Variants in CDC42BPA observed in about 807,000 individuals in gnomAD.
CDC42BPA encodes CDC42 binding protein kinase alpha.
In CDC42BPA, 80 loss-of-function variants were observed where a neutral mutation model predicts 223.5. The observed-to-expected ratio is 0.36, with a 90% CI of 0.30 to 0.43. The LOEUF is 0.43. Ranked by LOEUF, CDC42BPA falls within the 20% of genes least tolerant of loss-of-function variation. The pLI is 1.00. For missense variants in CDC42BPA, 1,743 were observed against 2,099.9 expected, an observed-to-expected ratio of 0.83 and a Z score of 3.32; for synonymous variants, 694 against 718.6, an observed-to-expected ratio of 0.97 and a Z score of 0.55.
At chr1:227,266,230 A>C (rs1684971395) in intron 1 of CDC42BPA, among the ~76,000 whole-genome samples, 1 of 152,146 alleles carries the variant, frequency 6.6e-6, no homozygotes, top group Admixed American at 6.6e-5. Flanking sequence ...TATTATTTTG[A>C]CCAGTAATAG....
chr1:227,237,000 G>A (rs1335807880), intron 2 of CDC42BPA, among the ~76,000 whole-genome samples: 1 of 126,246 alleles, frequency 7.9e-6, no homozygotes, highest in African/African-American at 3.1e-5. Context: ...CTGTAATTGT[G>A]CCACTGCACT....
chr1:227,280,000 G>A (rs1011590543), intron 1 of CDC42BPA, among the ~76,000 whole-genome samples: 1 of 152,154 alleles, frequency 6.6e-6, no homozygotes, highest in Admixed American at 6.5e-5. Flanking sequence ...GGAGGTTGCA[G>A]TGAACCGAGA....
At chr1:227,234,169 C>T (rs16847488) in intron 2 of CDC42BPA, 7,702 of 152,140 alleles carry the variant, frequency 0.051, 433 homozygotes, top group East Asian at 0.25. Flanking sequence ...GGATCCAGAG[C>T]CCAAAGAGTG....
chr1:227,013,752 ACTAT>A lies in CDC42BPA; in HGVS notation c.4857+2324_4857+2327del, dbSNP rs549383880. Among the ~76,000 whole-genome samples, 980 of 152,202 alleles carry A rather than the reference ACTAT, an allele frequency of 6.4e-3. 10 individuals carry two copies. Among genetic ancestry groups the A allele is most frequent in the African/African-American group, 0.021 (880 of 41,550 alleles). ...GTGTAAAAAATTTAAATTTTAAAAGACTATCTATTAAAACCTTGTAACTACTGAA... is the reference window on the plus strand; with the variant it reads ...GTGTAAAAAATTTAAATTTTAAAAGACTATTAAAACCTTGTAACTACTGAA... On this transcript the variant is annotated intron_variant, in intron 34 of 36. Coordinates refer to ENST00000366766, the MANE Select transcript of CDC42BPA (RefSeq NM_001394014.1).
At position 226,994,219 on chromosome 1, in the gene CDC42BPA, AG is replaced by A. The variant is rs1199930116; in HGVS notation, c.*48del. The A allele has an allele frequency of 6.5e-7, 1 of 1,534,612 alleles. No homozygotes were observed. The highest frequency in any genetic ancestry group is 1.4e-5 in the African/African-American group (1 of 72,458). On this transcript the variant is annotated 3_prime_UTR_variant, in exon 37 of 37. Coordinates refer to ENST00000366766, the MANE Select transcript of CDC42BPA (RefSeq NM_001394014.1). This position sits in a 1 kb window ranked among gnomAD's most constrained non-coding sequence, Gnocchi z 4.0. The stretch of plus-strand genomic sequence containing the variant: ...GGAGGGAAGAGATGAAAGTGAGAGG[AG>A]GCGAGTGGCAGGGAGCGGAGAGCGA...
intron 23 of CDC42BPA, among the ~76,000 whole-genome samples, chr1:227,044,847 C>T (rs1051780582): frequency 3.3e-5 from 5 of 152,138 alleles, no homozygotes; most frequent in African/African-American, 1.2e-4. Flanking sequence ...TGTATAACCT[C>T]ATGATTTTTC....
At chr1:226,998,733 G>A (rs1330931017) in intron 35 of CDC42BPA, among the ~76,000 whole-genome samples, 1 of 152,136 alleles carries the variant, frequency 6.6e-6, no homozygotes, top group Non-Finnish European at 1.5e-5. Context: ...ACACAGGCAT[G>A]GGCAAGGACT....
intron 29 of CDC42BPA, among the ~76,000 whole-genome samples, chr1:227,030,111 C>A (rs1223803261): frequency 2.1e-5 from 3 of 146,254 alleles, no homozygotes; most frequent in Non-Finnish European, 3.0e-5. Flanking sequence ...CCAGCCTGGG[C>A]AGCAAGAGTG....
chr1:227,006,504 G>A (rs1489243677), intron 34 of CDC42BPA, among the ~76,000 whole-genome samples: 2 of 152,210 alleles, frequency 1.3e-5, no homozygotes, highest in African/African-American at 2.4e-5. Flanking sequence ...GCTTGTCTGA[G>A]GATGAAGCTA....
intron 2 of CDC42BPA, among the ~76,000 whole-genome samples, chr1:227,232,262 T>C (rs1423285575): frequency 6.6e-6 from 1 of 152,224 alleles, no homozygotes; most frequent in South Asian, 2.1e-4. Flanking sequence ...TTTCTTGTTT[T>C]TGTCCGGTTT....
chr1:227,269,409 T>C (rs1216396053), intron 1 of CDC42BPA, among the ~76,000 whole-genome samples: 1 of 152,182 alleles, frequency 6.6e-6, no homozygotes, highest in East Asian at 1.9e-4. Context: ...AAATCTACAG[T>C]AATACTAGGA....
At chr1:227,263,988 GAT>G (rs1269006399) in intron 1 of CDC42BPA, among the ~76,000 whole-genome samples, 3 of 152,130 alleles carry the variant, frequency 2.0e-5, no homozygotes, top group Non-Finnish European at 4.4e-5. Context: ...AGTAACTCCA[GAT>G]ATATGTTCCA....
intron 23 of CDC42BPA, among the ~76,000 whole-genome samples, chr1:227,040,457 T>C (rs1438708917): frequency 2.6e-5 from 4 of 152,324 alleles, no homozygotes; most frequent in African/African-American, 9.6e-5. Flanking sequence ...TAAATGATAA[T>C]TGCTCTTCAA....
chr1:227,313,594 G>GT (rs1212690195), intron 1 of CDC42BPA, among the ~76,000 whole-genome samples: 1 of 151,822 alleles, frequency 6.6e-6, no homozygotes, highest in Non-Finnish European at 1.5e-5. Context: ...TAAAATAAAT[G>GT]TAATCATCTG....
chr1:227,147,301 G>T (rs1660875595), intron 7 of CDC42BPA, 58 bp downstream of exon 7: 3 of 1,202,184 alleles, frequency 2.5e-6, no homozygotes, highest in Admixed American at 2.3e-5. Context: ...CTTTAAAAAT[G>T]GTTTTATTAT....
intron 23 of CDC42BPA, among the ~76,000 whole-genome samples, chr1:227,045,953 A>G (rs1198815488): frequency 6.6e-6 from 1 of 151,992 alleles, no homozygotes; most frequent in Non-Finnish European, 1.5e-5. Flanking sequence ...CTATAGGTGC[A>G]CATCACCACG....
chr1:227,171,063 T>C (rs2149925694), intron 5 of CDC42BPA, among the ~76,000 whole-genome samples: 1 of 152,242 alleles, frequency 6.6e-6, no homozygotes, highest in South Asian at 2.1e-4. Context: ...GAATTGTCAA[T>C]AAAAGGAGTG....
intron 1 of CDC42BPA, among the ~76,000 whole-genome samples, chr1:227,311,445 A>G (rs1354762841): frequency 1.3e-5 from 2 of 152,204 alleles, no homozygotes; most frequent in South Asian, 4.1e-4. Context: ...AAAAAATCTG[A>G]TAGAACTAGC....
intron 25 of CDC42BPA, among the ~76,000 whole-genome samples, chr1:227,035,057 A>C (rs1229664064): frequency 6.6e-6 from 1 of 152,196 alleles, no homozygotes; most frequent in Non-Finnish European, 1.5e-5. Flanking sequence ...ATATTTCATT[A>C]AAATAACACT....
Sources: gnomAD v4.1 joint callset for allele counts (sites outside exome capture counted in the v4.1 genomes callset) on GRCh38, gnomAD v4.1.1 for gene constraint, Gnocchi (gnomAD v3.1) non-coding constraint, MANE v1.5 for transcripts, NCBI Gene and HGNC (gene_info 2026-07-23, HGNC 2026-07-21) for gene names.